Variants in TG observed in about 807,000 individuals in gnomAD.
The protein encoded by TG is thyroid hormones.
Under a neutral mutation model 324.7 loss-of-function variants are expected in TG, and 270 were observed. That is an observed-to-expected ratio of 0.83 (90% CI 0.75 to 0.92). The LOEUF is 0.92. Among genes scored for constraint, TG ranks in the 40% least tolerant of loss-of-function variants. TG has a pLI of 0.00. For synonymous variants in TG, 1,401 were observed against 1,327.0 expected (o/e 1.06, Z -1.21); for missense variants, 3,591 against 3,456.4 (o/e 1.04, Z -0.98).
chr8:132,948,742 C>T, intron 26 of TG, 34 bp from the exon 27 acceptor site: 1 of 1,611,442 alleles, frequency 6.2e-7, no homozygotes, highest in South Asian at 1.1e-5. Flanking sequence ...CCCCCTCCAT[C>T]ACACTGACCT....
rs368577951 is a variant in TG, at chr8:132,940,751, T to C, written c.5042-600T>C. ...AGGAAGAATGTGGGATCATGGGTAT[T>C]GTGTACAGTCCTGAGTTCTTGCAGT... On this transcript the variant is annotated intron_variant, in intron 25 of 47. Transcript: ENST00000220616. Among the ~76,000 whole-genome samples, 4 of 152,302 alleles carry C rather than the reference T, an allele frequency of 2.6e-5. No individual in the cohort carries two copies. In the South Asian group the frequency reaches 6.2e-4, roughly 24 times the overall value.
intron 27 of TG, among the ~76,000 whole-genome samples, chr8:132,956,654 C>T (rs2074462714): frequency 6.6e-6 from 1 of 152,148 alleles, no homozygotes; most frequent in Non-Finnish European, 1.5e-5. Flanking sequence ...CAGATTAGGG[C>T]ATGAGGCTGC....
intron 11 of TG, among the ~76,000 whole-genome samples, chr8:132,897,231 T>G (rs1372001825): frequency 2.0e-5 from 3 of 152,240 alleles, no homozygotes; most frequent in Non-Finnish European, 4.4e-5. Flanking sequence ...TTCTCATCCA[T>G]TAAATGGGAT....
intron 5 of TG, among the ~76,000 whole-genome samples, chr8:132,874,439 A>G (rs1200651542): frequency 6.6e-6 from 1 of 152,226 alleles, no homozygotes; most frequent in Non-Finnish European, 1.5e-5. Context: ...GTTCACGCAG[A>G]CTTTAGATGT....
At chr8:133,041,913 G>A (rs1838329969) in intron 41 of TG, among the ~76,000 whole-genome samples, 2 of 150,616 alleles carry the variant, frequency 1.3e-5, no homozygotes, top group African/African-American at 4.9e-5. Context: ...TCAGACTCCC[G>A]AGTAGCTGGG....
chr8:133,020,883 G>T (rs1228619851), intron 39 of TG, among the ~76,000 whole-genome samples: 2 of 152,190 alleles, frequency 1.3e-5, no homozygotes, highest in African/African-American at 2.4e-5. Context: ...GTTTGCTCAC[G>T]TGAGGGGGCC....
At chr8:132,889,819 C>T (rs1333570094) in intron 10 of TG, among the ~76,000 whole-genome samples, 1 of 152,168 alleles carries the variant, frequency 6.6e-6, no homozygotes, top group Non-Finnish European at 1.5e-5. Context: ...TCTTGTTGCC[C>T]AGGCTGGAGT....
chr8:132,901,626 A>G (rs1269140185), intron 16 of TG, 73 bp downstream of exon 16: 3 of 1,513,506 alleles, frequency 2.0e-6, no homozygotes, highest in Non-Finnish European at 2.7e-6. Flanking sequence ...GTGAAGTACT[A>G]GAGAAGCTGG....
At chr8:132,904,849 T>C (rs767841295) in intron 16 of TG, among the ~76,000 whole-genome samples, 1 of 152,230 alleles carries the variant, frequency 6.6e-6, no homozygotes, top group Non-Finnish European at 1.5e-5. Flanking sequence ...TACACACTCA[T>C]TGACACCCCA....
chr8:132,922,191 T>G (rs1211735767), intron 21 of TG, among the ~76,000 whole-genome samples: 1 of 152,208 alleles, frequency 6.6e-6, no homozygotes, highest in East Asian at 1.9e-4. Context: ...ACATATTAGA[T>G]ACTGTTATAG....
intron 33 of TG, chr8:132,972,231 C>T: frequency 2.2e-6 from 1 of 447,066 alleles, no homozygotes; most frequent in Non-Finnish European, 4.1e-6. Context: ...GTGTGTGATT[C>T]TGGAAAAGTC....
intron 35 of TG, among the ~76,000 whole-genome samples, chr8:132,996,196 A>C (rs557457428): frequency 6.8e-5 from 10 of 146,064 alleles, no homozygotes; most frequent in African/African-American, 2.8e-4. Flanking sequence ...TGATGTAGTT[A>C]TTCTTGCAGT....
At chr8:132,975,744 G>A (rs1354627931) in intron 34 of TG, among the ~76,000 whole-genome samples, 1 of 152,176 alleles carries the variant, frequency 6.6e-6, no homozygotes, top group Non-Finnish European at 1.5e-5. Flanking sequence ...GCTCAGAGAG[G>A]TTGTCACTTA....
At chr8:132,892,300 C>T (rs1816340326) in intron 10 of TG, among the ~76,000 whole-genome samples, 1 of 152,224 alleles carries the variant, frequency 6.6e-6, no homozygotes, top group African/African-American at 2.4e-5. Context: ...GTCAAGATCA[C>T]TATTCCCAGA....
chr8:133,083,898 T>TC (rs1846110805), intron 41 of TG, among the ~76,000 whole-genome samples: 2 of 151,982 alleles, frequency 1.3e-5, no homozygotes, highest in South Asian at 2.1e-4. Flanking sequence ...TTCCCAGTTT[T>TC]CCCCCTGGCT....
In TG at chr8:132,883,060, C is replaced by G. The variant is rs537998329; in HGVS notation, c.1075+61C>G. 15 of 1,566,950 alleles carry G rather than the reference C, an allele frequency of 9.6e-6. No individual in the cohort carries two copies. The East Asian group carries it at 2.8e-4, about 29-fold the overall frequency. ...GGATCATATTACTTTGGCGGTCCTC[C>G]AGACCAACCTCTCTGGACCCCATTA... On this transcript the variant is annotated intron_variant, in intron 8 of 47. Coordinates refer to ENST00000220616, the MANE Select transcript of TG (RefSeq NM_003235.5).
chr8:132,923,916 A>C (rs1284179616), intron 22 of TG, among the ~76,000 whole-genome samples: 1 of 152,164 alleles, frequency 6.6e-6, no homozygotes, highest in African/African-American at 2.4e-5. Flanking sequence ...CCTTTTTGGC[A>C]TCAAGGATCA....
At chr8:133,114,567 A>G (rs976462726) in intron 44 of TG, among the ~76,000 whole-genome samples, 7 of 152,270 alleles carry the variant, frequency 4.6e-5, no homozygotes, top group South Asian at 2.1e-4. Context: ...CCTTAGGATG[A>G]GACCACAGTG....
chr8:132,893,355 T>TGA (rs1816582862), intron 10 of TG, among the ~76,000 whole-genome samples: 1 of 142,472 alleles, frequency 7.0e-6, no homozygotes, highest in African/African-American at 2.6e-5. Context: ...TAGGTGTGTG[T>TGA]GGTGTGTCTG....
Sources: allele counts gnomAD v4.1 joint callset (sites outside exome capture counted in the v4.1 genomes callset), GRCh38; gene constraint gnomAD v4.1.1; transcripts MANE v1.5; gene names NCBI Gene and HGNC (gene_info 2026-07-23, HGNC 2026-07-21).